Variants in SEPTIN11 observed in about 807,000 individuals in gnomAD.
The protein encoded by SEPTIN11 is septin 11, also known as septin-11.
A neutral mutation model predicts 51.4 loss-of-function variants in SEPTIN11; 25 were observed. The observed-to-expected ratio is 0.49, with a 90% CI of 0.35 to 0.68. The LOEUF is 0.68. Among genes scored for constraint, SEPTIN11 ranks in the 30% least tolerant of loss-of-function variants. SEPTIN11 has a pLI of 0.00. For synonymous variants in SEPTIN11, 174 were observed against 184.1 expected (o/e 0.95, Z 0.44); for missense variants, 381 against 520.8 (o/e 0.73, Z 2.61).
At chr4:77,032,011 C>T (rs1364705893) in intron 9 of SEPTIN11, 4 of 152,082 alleles carry the variant, frequency 2.6e-5, no homozygotes, top group South Asian at 2.1e-4. Context: ...TACATAGGAT[C>T]AAGTCTCTGC....
chr4:76,966,259 A>C (rs1052829073), intron 1 of SEPTIN11, among the ~76,000 whole-genome samples: 1 of 152,212 alleles, frequency 6.6e-6, no homozygotes, highest in Non-Finnish European at 1.5e-5. Flanking sequence ...TCATGAAATG[A>C]GTTTTATCTC....
intron 1 of SEPTIN11, among the ~76,000 whole-genome samples, chr4:76,950,664 G>A (rs1364311062): frequency 6.6e-6 from 1 of 152,154 alleles, no homozygotes; most frequent in East Asian, 1.9e-4. Flanking sequence ...GGAGGGAGGA[G>A]AGTAGGAGGG....
Position 77,011,931 on chromosome 4 carries a change from G to A in SEPTIN11, c.525+10G>A, listed in dbSNP as rs1321409517. 4 of 1,611,328 alleles carry A rather than the reference G, an allele frequency of 2.5e-6. No homozygotes were observed. The highest frequency in any genetic ancestry group is 3.4e-6 in the Non-Finnish European group (4 of 1,177,856). On this transcript the variant is annotated intron_variant, in intron 4 of 9. Transcript: ENST00000264893. ...AAAGCTGGACAGTAAGGTACTTGCTGCCATTCTGATTATCATCCACTCTCC... is the reference window on the plus strand; with the variant it reads ...AAAGCTGGACAGTAAGGTACTTGCTACCATTCTGATTATCATCCACTCTCC...
Position 77,024,337 on chromosome 4 carries a change from C to T in SEPTIN11, c.953+3667C>T, listed in dbSNP as rs977952935. 6.6e-6 allele frequency among the ~76,000 whole-genome samples: 1 copy of T among 152,100 alleles called. No individual in the cohort carries two copies. Among genetic ancestry groups the T allele is most frequent in the Non-Finnish European group, 1.5e-5 (1 of 68,020 alleles). On this transcript the variant is annotated intron_variant, in intron 7 of 9. Coordinates refer to ENST00000264893, the MANE Select transcript of SEPTIN11 (RefSeq NM_018243.4). The surrounding 1 kb of genome is among the most constrained non-coding windows in gnomAD (Gnocchi z 4.2). ...TCTTTCCCAAGCCCATCTTTATCCG[C>T]CCCCTGTGCATGCCCGGCTGCTGCC...
In SEPTIN11 at chr4:77,037,737, C is replaced by T; in HGVS notation, c.*3225C>T. On this transcript the variant is annotated 3_prime_UTR_variant, in exon 10 of 10. Coordinates refer to ENST00000264893, the MANE Select transcript of SEPTIN11 (RefSeq NM_018243.4). ...TGTACTGTAGAATGTGATGGAAAAG[C>T]ATTGATGAGAATTTATTGGCAGTTC... 1.0e-6 allele frequency: 1 copy of T among 985,824 alleles called. No homozygotes were observed. Among genetic ancestry groups the T allele is most frequent in the Non-Finnish European group, 1.2e-6 (1 of 829,910 alleles). The allele number at this position is 985,824 out of a possible 1,614,324, so 61.1% of individuals were successfully genotyped here.
At chr4:76,960,390 T>C (rs1721776814) in intron 1 of SEPTIN11, among the ~76,000 whole-genome samples, 1 of 152,210 alleles carries the variant, frequency 6.6e-6, no homozygotes, top group Non-Finnish European at 1.5e-5. Flanking sequence ...TAGTTGTTGA[T>C]AATCAAATTT....
At position 77,036,074 on chromosome 4, in the gene SEPTIN11, C is replaced by G. The variant is rs1449256880; in HGVS notation, c.*1562C>G. On this transcript the variant is annotated 3_prime_UTR_variant, in exon 10 of 10. Coordinates refer to ENST00000264893, the MANE Select transcript of SEPTIN11 (RefSeq NM_018243.4). ...ATTTTGATTTCAGCAAAGATTTTTT[C>G]TCCTTTTCTTTGTCCTCAACCATAC... The G allele has an allele frequency of 2.0e-6, 2 of 985,780 alleles. No homozygotes were observed. The highest frequency in any genetic ancestry group is 2.4e-6 in the Non-Finnish European group (2 of 829,976). The allele number at this position is 985,780 out of a possible 1,614,324, so 61.1% of individuals were successfully genotyped here.
chr4:76,982,871 T>A (rs17002311), intron 1 of SEPTIN11, among the ~76,000 whole-genome samples: 1,614 of 152,312 alleles, frequency 0.011, 31 homozygotes, highest in African/African-American at 0.036. Flanking sequence ...CTGAGAGGGA[T>A]CTAGTTTACC....
chr4:77,005,535 G>T, intron 2 of SEPTIN11, 66 bp from the exon 3 acceptor site: 1 of 1,370,164 alleles, frequency 7.3e-7, no homozygotes, highest in South Asian at 1.4e-5. Context: ...AAAAAATACT[G>T]ATGAATTGAA....
intron 6 of SEPTIN11, 133 bp downstream of exon 6, chr4:77,019,394 A>T (rs1030977223): frequency 6.4e-6 from 4 of 623,436 alleles, no homozygotes; most frequent in African/African-American, 1.8e-5. Flanking sequence ...GTGGGGCTCC[A>T]CATGTGACAA....
At chr4:77,018,400 G>T (rs909500255) in intron 5 of SEPTIN11, among the ~76,000 whole-genome samples, 1 of 150,316 alleles carries the variant, frequency 6.7e-6, no homozygotes, top group Non-Finnish European at 1.5e-5. Context: ...AGTGAGCCGA[G>T]ATCGCGCCAC....
chr4:77,039,232 A>G, downstream of SEPTIN11: 1 of 1,229,500 alleles, frequency 8.1e-7, no homozygotes, highest in Non-Finnish European at 1.0e-6. Flanking sequence ...CAAATATTGC[A>G]CTGCTGTTTG....
At chr4:77,021,860 C>T (rs1406370529) in intron 7 of SEPTIN11, among the ~76,000 whole-genome samples, 1 of 152,200 alleles carries the variant, frequency 6.6e-6, no homozygotes, top group Non-Finnish European at 1.5e-5. Context: ...TGGCACTGTG[C>T]TGCTGAGGAG....
intron 1 of SEPTIN11, chr4:76,995,982 A>G: frequency 4.0e-6 from 6 of 1,509,402 alleles, no homozygotes; most frequent in Non-Finnish European, 4.4e-6. Context: ...TGAATCCTCC[A>G]CTGTGAGCTT....
In SEPTIN11 at chr4:77,020,619, A is replaced by G. The variant is rs752247253; in HGVS notation, c.902A>G (p.Lys301Arg). 6.2e-7 allele frequency: 1 copy of G among 1,614,092 alleles called. No individual in the cohort carries two copies. Residue 301 changes from lysine (K) to arginine (R), a missense_variant, in exon 7 of 10, where the codon AAG becomes AGG. Lys to Arg is a conservative substitution (Grantham distance 26). Around this residue, in one of 2 missense-constraint regions of SEPTIN11, gnomAD observed 197 missense variants for 313.1 expected, o/e 0.63. Coordinates refer to ENST00000264893, the MANE Select transcript of SEPTIN11 (RefSeq NM_018243.4). Reference protein sequence around the residue: ...TRHYELYRRCKLEEMGFKDTD... With the variant: ...TRHYELYRRCRLEEMGFKDTD... ...CACTATGAATTGTACCGACGCTGTA[A>G]GCTTGAAGAGATGGGGTTCAAGGAC...
In SEPTIN11 at chr4:77,035,283, G is replaced by A; in HGVS notation, c.*771G>A. ...TTGGATCATGTAACATTGCTTAGTA[G>A]AAGAATCTTCTTCTAAGGATGATGG... On this transcript the variant is annotated 3_prime_UTR_variant, in exon 10 of 10. Coordinates refer to ENST00000264893, the MANE Select transcript of SEPTIN11 (RefSeq NM_018243.4). 1.0e-6 allele frequency: 1 copy of A among 985,378 alleles called. No homozygotes were observed. Among genetic ancestry groups the A allele is most frequent in the South Asian group, 4.7e-5 (1 of 21,288 alleles). 61.0% of individuals were successfully genotyped at this position (985,378 alleles called of 1,614,324 possible).
intron 1 of SEPTIN11, chr4:76,958,951 C>T: frequency 8.8e-7 from 1 of 1,134,266 alleles, no homozygotes; most frequent in Non-Finnish European, 1.3e-6. Context: ...GGAATGTTGG[C>T]ATGCATTTGA....
chr4:77,033,181 T>TA (rs933531944), intron 9 of SEPTIN11, among the ~76,000 whole-genome samples: 5 of 152,140 alleles, frequency 3.3e-5, no homozygotes, highest in African/African-American at 1.2e-4. Context: ...TCACACCTCT[T>TA]ACTGCCAGTG....
At chr4:76,978,803 A>G (rs953181751) in intron 1 of SEPTIN11, among the ~76,000 whole-genome samples, 4 of 152,206 alleles carry the variant, frequency 2.6e-5, no homozygotes, top group Admixed American at 2.6e-4. Flanking sequence ...TGACCTCTTC[A>G]CTACCGTGTC....
Sources: allele counts gnomAD v4.1 joint callset (sites outside exome capture counted in the v4.1 genomes callset), GRCh38; gene constraint gnomAD v4.1.1; regional missense constraint gnomAD v4.1.1; non-coding constraint Gnocchi (gnomAD v3.1); transcripts MANE v1.5; gene names NCBI Gene and HGNC (gene_info 2026-07-23, HGNC 2026-07-21).